HSD11B1: variants seen among roughly 807,000 people sequenced by gnomAD.
The protein encoded by HSD11B1 is hydroxysteroid 11-beta dehydrogenase 1, also known as 11-beta-hydroxysteroid dehydrogenase 1.
HSD11B1 carries 15 observed loss-of-function variants against 22.1 expected under a neutral mutation model. That is an observed-to-expected ratio of 0.68 (90% CI 0.45 to 1.04). The LOEUF (loss-of-function observed/expected upper bound fraction) is 1.04. HSD11B1 is among the 50% of genes least tolerant of loss of function. HSD11B1 has a pLI of 0.00. For missense variants in HSD11B1, 281 were observed against 357.6 expected (o/e 0.79, Z 1.73); for synonymous variants, 122 against 125.2 (o/e 0.97, Z 0.17).
chr1:209,729,970 G>C (rs551033804), intron 4 of HSD11B1, among the ~76,000 whole-genome samples: 33 of 152,236 alleles, frequency 2.2e-4, no homozygotes, highest in African/African-American at 7.7e-4. Flanking sequence ...GTATAGAAGG[G>C]ATATACCTCA....
At position 209,707,058 on chromosome 1, in the gene HSD11B1, C is replaced by T. The variant is rs1381705960; in HGVS notation, c.447C>T (p.Val149=). The T allele has an allele frequency of 1.2e-6, 2 of 1,613,996 alleles. No homozygotes were observed. Among genetic ancestry groups the T allele is most frequent in the East Asian group, 2.2e-5 (1 of 44,876 alleles). ...SMEVNFLSYV[V]LTVAALPMLK... ...AAGTCAACTTCCTCAGTTACGTGGT[C>T]CTGACTGTAGCTGCCTTGCCCATGC... Residue 149 remains valine, a synonymous_variant, in exon 4 of 6, where the codon GTC becomes GTT. Coordinates refer to ENST00000367027, the MANE Select transcript of HSD11B1 (RefSeq NM_005525.4).
At chr1:209,709,646 C>T (rs2076882108) in intron 4 of HSD11B1, among the ~76,000 whole-genome samples, 2 of 152,172 alleles carry the variant, frequency 1.3e-5, no homozygotes, top group South Asian at 4.1e-4. Context: ...TCCTAGAGTG[C>T]TTGTTTACAC....
intron 1 of HSD11B1, among the ~76,000 whole-genome samples, chr1:209,687,626 G>A (rs1449877449): frequency 1.3e-5 from 2 of 152,212 alleles, no homozygotes; most frequent in Non-Finnish European, 2.9e-5. Flanking sequence ...TGTATTGTCA[G>A]TGATGGGAGG....
At chr1:209,726,126 CA>C (rs1196528902) in intron 4 of HSD11B1, among the ~76,000 whole-genome samples, 1 of 151,790 alleles carries the variant, frequency 6.6e-6, no homozygotes, top group Non-Finnish European at 1.5e-5. Flanking sequence ...ACTAAAAACA[CA>C]AAAATTAGCC....
In HSD11B1 at chr1:209,718,392, A is replaced by T. The variant is rs556279458; in HGVS notation, c.517+11264A>T. Among the ~76,000 whole-genome samples the T allele has an allele frequency of 8.5e-5, 13 of 152,348 alleles. No individual in the cohort carries two copies. The East Asian group carries it at 2.3e-3, about 27-fold the overall frequency. ...CGTATCAACTTAAATTTTTAAAAAAATTTAATGGGCAAAGGACTTGAATAA... is the reference window on the plus strand; with the variant it reads ...CGTATCAACTTAAATTTTTAAAAAATTTTAATGGGCAAAGGACTTGAATAA... On this transcript the variant is annotated intron_variant, in intron 4 of 5. Transcript: ENST00000367027.
intron 1 of HSD11B1, among the ~76,000 whole-genome samples, chr1:209,687,797 G>A (rs2076737009): frequency 6.6e-6 from 1 of 152,136 alleles, no homozygotes; most frequent in Non-Finnish European, 1.5e-5. Flanking sequence ...ATCTTTCCCT[G>A]GCAGAAATAG....
At chr1:209,732,366 G>A in intron 4 of HSD11B1, 70 bp from the exon 5 acceptor site, 1 of 1,551,186 alleles carries the variant, frequency 6.4e-7, no homozygotes, top group Non-Finnish European at 8.9e-7. Context: ...GAGTTACAAA[G>A]CCTACTACAG....
At chr1:209,693,521 ACCCGT>A (rs1479008375) in intron 1 of HSD11B1, among the ~76,000 whole-genome samples, 1 of 152,174 alleles carries the variant, frequency 6.6e-6, no homozygotes, top group Non-Finnish European at 1.5e-5. Context: ...TTCAATATCC[ACCCGT>A]CCTCTACTTC....
chr1:209,718,578 A>C (rs1033193089), intron 4 of HSD11B1, among the ~76,000 whole-genome samples: 8 of 152,092 alleles, frequency 5.3e-5, no homozygotes, highest in African/African-American at 1.9e-4. Context: ...CAGAAATAGC[A>C]AGTATTGGTG....
chr1:209,689,151 C>T (rs1233999887), intron 1 of HSD11B1, among the ~76,000 whole-genome samples: 6 of 152,300 alleles, frequency 3.9e-5, no homozygotes. Flanking sequence ...TAGAGAAAGA[C>T]TCCATACTGA....
At chr1:209,686,445 T>A (rs910131480) in intron 1 of HSD11B1, among the ~76,000 whole-genome samples, 2 of 152,016 alleles carry the variant, frequency 1.3e-5, no homozygotes, top group Admixed American at 1.3e-4. Flanking sequence ...GAAATGCTGG[T>A]CAGAAAAAAC....
intron 1 of HSD11B1, among the ~76,000 whole-genome samples, chr1:209,696,904 G>A (rs1229511958): frequency 1.3e-5 from 2 of 152,238 alleles, no homozygotes; most frequent in Non-Finnish European, 2.9e-5. Context: ...GGCAGGAAGA[G>A]TGAAGTGCTG....
At position 209,734,414 on chromosome 1, in the gene HSD11B1, T is replaced by C. The variant is rs1317445868; in HGVS notation, c.772T>C (p.Tyr258His). 1 of 1,614,104 alleles carries C rather than the reference T, an allele frequency of 6.2e-7. No individual in the cohort carries two copies. Among genetic ancestry groups the C allele is most frequent in the Non-Finnish European group, 8.5e-7 (1 of 1,179,960 alleles). ...GGALRQEEVY[Y>H]DSSLWTTLLI... Reference sequence around the variant, plus strand: ...AGCTCTGCGCCAAGAAGAAGTGTATTATGACAGCTCACTCTGGACCACTCT... The same window carrying C: ...AGCTCTGCGCCAAGAAGAAGTGTATCATGACAGCTCACTCTGGACCACTCT... Residue 258 changes from tyrosine to histidine, a missense_variant, in exon 6 of 6, where the codon TAT becomes CAT. Tyr to His is a moderately conservative substitution (Grantham distance 83). Transcript: ENST00000367027.
rs937294841 is a variant in HSD11B1 at position 209,710,532 on chromosome 1, A to G, written c.517+3404A>G. Among the ~76,000 whole-genome samples the G allele has an allele frequency of 2.0e-5, 3 of 152,244 alleles. No homozygotes were observed. The East Asian group carries it at 5.8e-4, about 29-fold the overall frequency. ...CTATATTTTGGTAAGTTAACTTTAG[A>G]AATCCAACTTCCTCATCATTTCTCT... On this transcript the variant is annotated intron_variant, in intron 4 of 5. Transcript: ENST00000367027.
At chr1:209,690,410 T>C (rs891046648) in intron 1 of HSD11B1, among the ~76,000 whole-genome samples, 9 of 152,020 alleles carry the variant, frequency 5.9e-5, no homozygotes, top group Admixed American at 3.9e-4. Context: ...AAAATTAAAA[T>C]GAAGGGCCAG....
At position 209,724,747 on chromosome 1, in the gene HSD11B1, T is replaced by C. The variant is rs1357196614; in HGVS notation, c.518-7689T>C. On this transcript the variant is annotated intron_variant, in intron 4 of 5. Transcript: ENST00000367027. ...TAGGGGTTTCCTCACACAAGCTAAT[T>C]AGCATTATGTGGAAAAATGTTTAAG... Among the ~76,000 whole-genome samples the C allele has an allele frequency of 2.6e-5, 4 of 152,218 alleles. No homozygotes were observed. In the East Asian group the frequency reaches 7.7e-4, roughly 29 times the overall value.
upstream of HSD11B1, among the ~76,000 whole-genome samples, chr1:209,703,505 G>A (rs1477942623): frequency 6.6e-6 from 1 of 151,986 alleles, no homozygotes; most frequent in Non-Finnish European, 1.5e-5. Context: ...GCTCTGTCTA[G>A]CCCTCAACTG....
intron 4 of HSD11B1, among the ~76,000 whole-genome samples, chr1:209,711,192 A>G (rs1164585202): frequency 6.6e-6 from 1 of 152,204 alleles, no homozygotes; most frequent in African/African-American, 2.4e-5. Flanking sequence ...AACTAACAGG[A>G]CTTGGAAGAC....
intron 1 of HSD11B1, among the ~76,000 whole-genome samples, chr1:209,696,952 T>G (rs577591552): frequency 1.3e-5 from 2 of 152,180 alleles, no homozygotes; most frequent in African/African-American, 4.8e-5. Context: ...GCTGAAAGAG[T>G]GCAGAAGATT....
Sources: allele counts gnomAD v4.1 joint callset (sites outside exome capture counted in the v4.1 genomes callset), GRCh38; gene constraint gnomAD v4.1.1; transcripts MANE v1.5; gene names NCBI Gene and HGNC (gene_info 2026-07-23, HGNC 2026-07-21).